The following GRIK2 variants were observed in gnomAD, a reference collection of about 807,000 sequenced individuals.
GRIK2 encodes the protein glutamate ionotropic receptor kainate type subunit 2.
Under a neutral mutation model 100.3 loss-of-function variants are expected in GRIK2, and 32 were observed. The observed-to-expected ratio is 0.32, with a 90% CI of 0.24 to 0.43. The LOEUF (loss-of-function observed/expected upper bound fraction) is 0.43. GRIK2 is among the 20% of genes least tolerant of loss of function. The pLI is 1.00. For missense variants in GRIK2, 843 were observed against 1,114.9 expected (o/e 0.76, Z 3.47); for synonymous variants, 417 against 389.4 (o/e 1.07, Z -0.83).
At position 101,984,614 on chromosome 6, in the gene GRIK2, AACACACACACACACAC is replaced by A. The variant is rs10678285; in HGVS notation, c.2086-50700_2086-50685del. Among the ~76,000 whole-genome samples, 63 of 129,250 alleles carry A rather than the reference AACACACACACACACAC, an allele frequency of 4.9e-4. 1 individual carries two copies. The highest frequency in any genetic ancestry group is 1.6e-4 in the Admixed American group (2 of 12,344). The allele number at this position is 129,250 out of a possible 152,430, so 84.8% of individuals were successfully genotyped here. ...TTATATGTGCAGGAATACACATTAA[AACACACACACACACAC>A]ACACACACACACACACACACACACA... is the stretch of plus-strand genomic sequence containing the variant. On this transcript the variant is annotated intron_variant, in intron 14 of 16. Coordinates refer to ENST00000369134, the MANE Select transcript of GRIK2 (RefSeq NM_021956.5).
intron 7 of GRIK2, among the ~76,000 whole-genome samples, chr6:101,749,091 G>A (rs986850543): frequency 6.6e-6 from 1 of 152,056 alleles, no homozygotes; most frequent in African/African-American, 2.4e-5. Flanking sequence ...CTTAACAAAG[G>A]AAGTATTATT....
chr6:101,453,745 T>C (rs907420679), intron 2 of GRIK2, among the ~76,000 whole-genome samples: 29 of 152,050 alleles, frequency 1.9e-4, no homozygotes, highest in Non-Finnish European at 4.3e-4. Flanking sequence ...ATGAAGTATG[T>C]AGACTATCAG....
chr6:101,766,740 G>A (rs1778067286), intron 7 of GRIK2, among the ~76,000 whole-genome samples: 1 of 152,182 alleles, frequency 6.6e-6, no homozygotes, highest in Non-Finnish European at 1.5e-5. Context: ...TTCTTAGCAA[G>A]TGCTGCTGTA....
chr6:101,891,643 A>T (rs1787107649), intron 12 of GRIK2: 1 of 377,428 alleles, frequency 2.6e-6, no homozygotes, highest in African/African-American at 2.2e-5. Context: ...GATATTAAGA[A>T]TTGTGTTCTT....
chr6:101,741,582 G>C (rs777535985), intron 7 of GRIK2, among the ~76,000 whole-genome samples: 16 of 152,180 alleles, frequency 1.1e-4, no homozygotes, highest in Non-Finnish European at 2.1e-4. Flanking sequence ...CAGTGGAAAC[G>C]TATGGAAAGT....
chr6:101,544,629 G>T (rs1478124244), intron 2 of GRIK2, among the ~76,000 whole-genome samples: 1 of 152,124 alleles, frequency 6.6e-6, no homozygotes, highest in Admixed American at 6.6e-5. Context: ...TTTATGCTAT[G>T]TCTAAGTTTT....
intron 1 of GRIK2, chr6:101,398,740 C>G (rs2852513): frequency 0.15 from 50,874 of 338,330 alleles, 4,442 homozygotes; most frequent in Non-Finnish European, 0.18. Context: ...GCTGTCAGAT[C>G]GGTTGCATAA....
intron 2 of GRIK2, among the ~76,000 whole-genome samples, chr6:101,549,143 G>C (rs962841640): frequency 6.6e-6 from 1 of 152,096 alleles, no homozygotes; most frequent in Non-Finnish European, 1.5e-5. Flanking sequence ...GATTCTTTTT[G>C]TCAGGCACTG....
chr6:101,982,113 G>C (rs1793746579), intron 14 of GRIK2, among the ~76,000 whole-genome samples: 1 of 151,878 alleles, frequency 6.6e-6, no homozygotes, highest in Non-Finnish European at 1.5e-5. Flanking sequence ...TACAATTTGT[G>C]GTGGAGCTAG....
At chr6:101,820,276 T>C (rs1781875128) in intron 10 of GRIK2, among the ~76,000 whole-genome samples, 1 of 152,196 alleles carries the variant, frequency 6.6e-6, no homozygotes, top group Non-Finnish European at 1.5e-5. Context: ...TCTGTTTCTA[T>C]ACCATATGTA....
intron 12 of GRIK2, among the ~76,000 whole-genome samples, chr6:101,905,915 T>C (rs1292865414): frequency 6.6e-6 from 1 of 151,626 alleles, no homozygotes; most frequent in Non-Finnish European, 1.5e-5. Flanking sequence ...GGGGAAATGA[T>C]GACTTTATGA....
intron 14 of GRIK2, among the ~76,000 whole-genome samples, chr6:101,953,211 A>G (rs984293747): frequency 6.6e-6 from 1 of 152,176 alleles, no homozygotes; most frequent in African/African-American, 2.4e-5. Flanking sequence ...TGGATATTAT[A>G]AATAATACTG....
At chr6:101,936,277 A>G (rs1185602345) in intron 14 of GRIK2, among the ~76,000 whole-genome samples, 1 of 152,022 alleles carries the variant, frequency 6.6e-6, no homozygotes, top group Non-Finnish European at 1.5e-5. Context: ...TTATAGTCAT[A>G]TAATTTTCCT....
At position 101,878,072 on chromosome 6, in the gene GRIK2, A is replaced by ATATTG. The variant is rs1420504465; in HGVS notation, c.1525-11564_1525-11563insGTATT. The stretch of plus-strand genomic sequence containing the variant: ...TGAAGTGCTTAGAATCGTGCCAGGT[A>ATATTG]TATTATATTATATTATATTATATTA... On this transcript the variant is annotated intron_variant, in intron 11 of 16. Transcript: ENST00000369134. Among the ~76,000 whole-genome samples the ATATTG allele has an allele frequency of 7.2e-4, 5 of 6,924 alleles. No individual in the cohort carries two copies. In the East Asian group the frequency reaches 0.023, roughly 32 times the overall value. 4.5% of individuals were successfully genotyped at this position (6,924 alleles called of 152,430 possible). A position where few individuals can be genotyped will look rare whatever the true frequency, so the allele number is the denominator to read the frequency against.
intron 9 of GRIK2, among the ~76,000 whole-genome samples, chr6:101,815,136 C>A (rs976959784): frequency 6.6e-6 from 1 of 152,132 alleles, no homozygotes; most frequent in African/African-American, 2.4e-5. Flanking sequence ...GGGCCATTAA[C>A]AACAAGGCTA....
chr6:101,899,584 A>G lies in GRIK2; in HGVS notation c.1748+9721A>G, dbSNP rs150573521. 7.9e-3 allele frequency among the ~76,000 whole-genome samples: 1,208 copies of G among 152,218 alleles called. 23 individuals are homozygous for G. Among genetic ancestry groups the G allele is most frequent in the African/African-American group, 0.028 (1,144 of 41,560 alleles). On this transcript the variant is annotated intron_variant, in intron 12 of 16. Transcript: ENST00000369134. Reference sequence around the variant, plus strand: ...AACATAGTTTCCTGCTATTCTTTATAAGAGATGTTAAATCCTAAATTAATT... The same window carrying G: ...AACATAGTTTCCTGCTATTCTTTATGAGAGATGTTAAATCCTAAATTAATT...
At chr6:101,477,736 C>G (rs892258034) in intron 2 of GRIK2, among the ~76,000 whole-genome samples, 1 of 151,928 alleles carries the variant, frequency 6.6e-6, no homozygotes, top group African/African-American at 2.4e-5. Context: ...ATGCCAATAT[C>G]AAATGAGCAA....
At chr6:101,555,720 T>A (rs1776705713) in intron 2 of GRIK2, among the ~76,000 whole-genome samples, 1 of 152,222 alleles carries the variant, frequency 6.6e-6, no homozygotes, top group Non-Finnish European at 1.5e-5. Context: ...TACATTTTCA[T>A]GAGTCAATCT....
rs569550104 is a variant in GRIK2, at chr6:101,793,992, A to T, written c.952-5656A>T. Reference sequence around the variant, plus strand: ...CTGTGCTAGCAATCAGCGAGACTCCATGGGCGTAGGACCCTCCGAGCCAGG... The same window carrying T: ...CTGTGCTAGCAATCAGCGAGACTCCTTGGGCGTAGGACCCTCCGAGCCAGG... On this transcript the variant is annotated intron_variant, in intron 7 of 16. Transcript: ENST00000369134. Among the ~76,000 whole-genome samples the T allele has an allele frequency of 1.1e-3, 170 of 152,186 alleles. 1 individual carries two copies. The highest frequency in any genetic ancestry group is 3.2e-3 in the African/African-American group (133 of 41,538).
Sources: allele counts gnomAD v4.1 joint callset (sites outside exome capture counted in the v4.1 genomes callset), GRCh38; gene constraint gnomAD v4.1.1; transcripts MANE v1.5; gene names NCBI Gene and HGNC (gene_info 2026-07-23, HGNC 2026-07-21).